Variants in FBXL17 observed in about 807,000 individuals in gnomAD.
FBXL17 encodes the protein F-box/LRR-repeat protein 17.
Under a neutral mutation model 66.2 loss-of-function variants are expected in FBXL17, and 22 were observed. The ratio of observed to expected loss-of-function variants is 0.33; its 90% CI spans 0.24 to 0.47. FBXL17 has a LOEUF of 0.47. Ranked by LOEUF, FBXL17 falls within the 20% of genes least tolerant of loss-of-function variation. FBXL17 has a pLI of 1.00. For synonymous variants in FBXL17, 474 were observed against 400.5 expected, an observed-to-expected ratio of 1.18 and a Z score of -2.19; for missense variants, 878 against 948.2, an observed-to-expected ratio of 0.93 and a Z score of 0.97.
At chr5:107,932,610 G>A (rs1750771077) in intron 7 of FBXL17, among the ~76,000 whole-genome samples, 2 of 152,106 alleles carry the variant, frequency 1.3e-5, no homozygotes, top group African/African-American at 2.4e-5. Context: ...TAAAATCACT[G>A]AACTAAACAG....
At chr5:108,281,726 G>C (rs547084025) in intron 4 of FBXL17, among the ~76,000 whole-genome samples, 109 of 151,392 alleles carry the variant, frequency 7.2e-4, no homozygotes, top group African/African-American at 2.5e-3. Context: ...AAAATACAAA[G>C]GATCAACAAA....
At chr5:108,008,444 A>C (rs1489301592) in intron 7 of FBXL17, among the ~76,000 whole-genome samples, 2 of 152,222 alleles carry the variant, frequency 1.3e-5, no homozygotes, top group Admixed American at 1.3e-4. Context: ...TTGCCTCAAC[A>C]TAAAATAGGA....
chr5:108,111,816 T>C (rs956311563), intron 6 of FBXL17, among the ~76,000 whole-genome samples: 9 of 152,192 alleles, frequency 5.9e-5, no homozygotes, highest in African/African-American at 2.2e-4. Context: ...AATGGATTGA[T>C]TACTTAGTCA....
chr5:108,295,426 C>G (rs1758305959), intron 4 of FBXL17, among the ~76,000 whole-genome samples: 1 of 151,788 alleles, frequency 6.6e-6, no homozygotes. Flanking sequence ...CTGTTATAAT[C>G]CCCATTTTAC....
chr5:108,308,080 C>T (rs1323627280), intron 4 of FBXL17, among the ~76,000 whole-genome samples: 2 of 152,020 alleles, frequency 1.3e-5, no homozygotes, highest in Non-Finnish European at 2.9e-5. Context: ...AGAAACACGA[C>T]CTTGTCCCCA....
intron 7 of FBXL17, among the ~76,000 whole-genome samples, chr5:107,918,283 A>G (rs1294661492): frequency 1.3e-5 from 2 of 152,220 alleles, no homozygotes; most frequent in East Asian, 3.9e-4. Context: ...GAGTCTGCAC[A>G]CAACTGCTCT....
intron 5 of FBXL17, among the ~76,000 whole-genome samples, chr5:108,217,045 T>C (rs1184720982): frequency 1.3e-5 from 2 of 152,160 alleles, no homozygotes; most frequent in Non-Finnish European, 2.9e-5. Context: ...ATTTGGACTG[T>C]AAGTCTGGCC....
At chr5:108,247,693 A>T (rs893998390) in intron 4 of FBXL17, among the ~76,000 whole-genome samples, 1 of 152,178 alleles carries the variant, frequency 6.6e-6, no homozygotes, top group Admixed American at 6.5e-5. Flanking sequence ...AGGATATTTT[A>T]ATTTTTACTC....
Position 107,959,096 on chromosome 5 carries a change from G to A in FBXL17, c.1822+61829C>T, listed in dbSNP as rs1332935072. 5.9e-5 allele frequency among the ~76,000 whole-genome samples: 9 copies of A among 152,116 alleles called. No individual in the cohort carries two copies. In the South Asian group the frequency reaches 8.3e-4, roughly 14 times the overall value. On this transcript the variant is annotated intron_variant, in intron 7 of 8. Coordinates refer to ENST00000542267, the MANE Select transcript of FBXL17 (RefSeq NM_001163315.3). Reference sequence around the variant, plus strand: ...GGGCCTTCTCTTACACGCACCACACGCCATGATATTTCTGATGAGTGCTTG... The same window carrying A: ...GGGCCTTCTCTTACACGCACCACACACCATGATATTTCTGATGAGTGCTTG...
At chr5:107,871,760 A>C (rs573200945) in intron 8 of FBXL17, among the ~76,000 whole-genome samples, 1 of 152,232 alleles carries the variant, frequency 6.6e-6, no homozygotes, top group South Asian at 2.1e-4. Context: ...AAAAAAAAAA[A>C]AAACAACAAC....
intron 7 of FBXL17, among the ~76,000 whole-genome samples, chr5:107,924,372 A>C (rs1315323490): frequency 6.6e-6 from 1 of 152,094 alleles, no homozygotes; most frequent in Non-Finnish European, 1.5e-5. Context: ...GGGTACAAGG[A>C]GTCTTATTAG....
intron 6 of FBXL17, among the ~76,000 whole-genome samples, chr5:108,153,931 A>T (rs1303808807): frequency 6.6e-6 from 1 of 152,138 alleles, no homozygotes; most frequent in Non-Finnish European, 1.5e-5. Context: ...TAACCTGTAC[A>T]ATTTTCCTTC....
At chr5:107,920,076 T>C (rs1435952866) in intron 7 of FBXL17, among the ~76,000 whole-genome samples, 2 of 152,214 alleles carry the variant, frequency 1.3e-5, no homozygotes, top group African/African-American at 2.4e-5. Context: ...AGCAAAGTTA[T>C]TCAGTGTTGT....
chr5:108,073,483 T>TA (rs1256523489), intron 6 of FBXL17, among the ~76,000 whole-genome samples: 1 of 151,646 alleles, frequency 6.6e-6, no homozygotes, highest in Non-Finnish European at 1.5e-5. Flanking sequence ...TAAAAAACCA[T>TA]AAAAAATATT....
chr5:108,200,263 C>T (rs1384228078), intron 5 of FBXL17, among the ~76,000 whole-genome samples: 1 of 151,924 alleles, frequency 6.6e-6, no homozygotes. Context: ...CAAAGTTAAG[C>T]CCCCCATAGA....
chr5:108,015,974 C>T (rs777859917), intron 7 of FBXL17, among the ~76,000 whole-genome samples: 1 of 152,046 alleles, frequency 6.6e-6, no homozygotes, highest in Non-Finnish European at 1.5e-5. Context: ...CAGCATTATC[C>T]CTTTAGGAAT....
At chr5:108,350,191 G>A (rs879350616) in intron 3 of FBXL17, among the ~76,000 whole-genome samples, 1 of 152,130 alleles carries the variant, frequency 6.6e-6, no homozygotes, top group Non-Finnish European at 1.5e-5. Flanking sequence ...GGCTGAGGTT[G>A]GGGCTAAAAA....
intron 4 of FBXL17, among the ~76,000 whole-genome samples, chr5:108,235,762 T>C (rs1180857283): frequency 6.6e-6 from 1 of 152,214 alleles, no homozygotes; most frequent in African/African-American, 2.4e-5. Flanking sequence ...TTTATCCTGT[T>C]CACTACTCTA....
chr5:108,339,657 A>C (rs1746748709), intron 4 of FBXL17, among the ~76,000 whole-genome samples: 1 of 152,168 alleles, frequency 6.6e-6, no homozygotes, highest in Non-Finnish European at 1.5e-5. Context: ...ACTAAAAATA[A>C]TCTACTAACC....
Sources: allele counts gnomAD v4.1 joint callset (sites outside exome capture counted in the v4.1 genomes callset), GRCh38; gene constraint gnomAD v4.1.1; transcripts MANE v1.5; gene names NCBI Gene and HGNC (gene_info 2026-07-23, HGNC 2026-07-21).